DCHS2: variants seen among roughly 807,000 people sequenced by gnomAD.
DCHS2 encodes the protein protocadherin-23.
DCHS2 carries 142 observed loss-of-function variants against 182.4 expected under a neutral mutation model. That is an observed-to-expected ratio of 0.78 (90% CI 0.68 to 0.89). The LOEUF (loss-of-function observed/expected upper bound fraction) is 0.89. Among genes scored for constraint, DCHS2 ranks in the 40% least tolerant of loss-of-function variants. The pLI is 0.00. For missense variants in DCHS2, 4,319 were observed against 4,198.6 expected (o/e 1.03, Z -0.79); for synonymous variants, 1,740 against 1,663.3 (o/e 1.05, Z -1.12).
intron 16 of DCHS2, among the ~76,000 whole-genome samples, chr4:154,247,422 A>G (rs1732125592): frequency 6.8e-6 from 1 of 147,244 alleles, no homozygotes; most frequent in Non-Finnish European, 1.5e-5. Flanking sequence ...GGTTGCACTG[A>G]GCTAAGGTCA....
intron 2 of DCHS2, 69 bp from the exon 3 acceptor site, chr4:154,366,510 A>G (rs1730369952): frequency 3.0e-6 from 3 of 1,013,468 alleles, no homozygotes; most frequent in South Asian, 2.8e-5. Flanking sequence ...ATAATTGACA[A>G]TGGCCCTACA....
chr4:154,407,747 G>C (rs1732460864), intron 1 of DCHS2, among the ~76,000 whole-genome samples: 1 of 152,164 alleles, frequency 6.6e-6, no homozygotes, highest in African/African-American at 2.4e-5. Flanking sequence ...GTCTGGGAGG[G>C]TGCAGTTGCA....
In DCHS2 at chr4:154,233,884, A is replaced by G. The variant is rs559164312; in HGVS notation, c.*652T>C. Reference sequence around the variant, plus strand: ...TATATTACCTATCATTATAAATCCTATTTGTTTCTCCCTATTGTCACAGAG... The same window carrying G: ...TATATTACCTATCATTATAAATCCTGTTTGTTTCTCCCTATTGTCACAGAG... On this transcript the variant is annotated 3_prime_UTR_variant, in exon 20 of 20. Coordinates refer to ENST00000357232, the MANE Select transcript of DCHS2 (RefSeq NM_001358235.2). 2.0e-5 allele frequency: 3 copies of G among 152,258 alleles called. No individual in the cohort carries two copies. Among genetic ancestry groups the G allele is most frequent in the Admixed American group, 1.3e-4 (2 of 15,278 alleles). The allele number at this position is 152,258 out of a possible 1,614,324, so 9.4% of individuals were successfully genotyped here.
chr4:154,329,549 G>GTT lies in DCHS2; in HGVS notation c.3891_3892insAA (p.Leu1298AsnfsTer9), dbSNP rs1561046034. 6.2e-7 allele frequency: 1 copy of GTT among 1,613,508 alleles called. No homozygotes were observed. Among genetic ancestry groups the GTT allele is most frequent in the Non-Finnish European group, 8.5e-7 (1 of 1,179,864 alleles). ...TTCACGTGTAACTCCTTTCCAGGGA[G>GTT]ACACTGGGGGAAGAAGGGCCTGTTA... On this transcript the variant is annotated frameshift_variant, in exon 6 of 20. Transcript: ENST00000357232. LOFTEE classifies it high-confidence loss of function.
In DCHS2 at chr4:154,320,479, G is replaced by A; in HGVS notation, c.4920C>T (p.His1640=). 1 of 1,614,110 alleles carries A rather than the reference G, an allele frequency of 6.2e-7. No individual in the cohort carries two copies. The highest frequency in any genetic ancestry group is 8.5e-7 in the Non-Finnish European group (1 of 1,180,014). The change falls in exon 9 of 20, where the codon CAC becomes CAT. Residue 1640 remains histidine, a synonymous_variant. Transcript: ENST00000357232. ...CTTCGTCTGGATCGTGAGCAGTTAT[G>A]TGGTGGACCAAGGAGCCCACTGTGA... The part of the protein sequence containing the change: ...EDVTVGSLVH[H]ITAHDPDEGR...
intron 13 of DCHS2, among the ~76,000 whole-genome samples, chr4:154,292,034 A>G (rs868733076): frequency 1.3e-5 from 2 of 152,206 alleles, no homozygotes; most frequent in South Asian, 4.1e-4. Context: ...TACACATTGC[A>G]TGCCTGTATC....
At chr4:154,417,810 A>T (rs1396889129) in intron 1 of DCHS2, among the ~76,000 whole-genome samples, 1 of 152,220 alleles carries the variant, frequency 6.6e-6, no homozygotes, top group Admixed American at 6.5e-5. Flanking sequence ...AAAATCAACT[A>T]GGCTTTCAAT....
At chr4:154,381,917 A>G (rs1731186455) in intron 1 of DCHS2, among the ~76,000 whole-genome samples, 2 of 152,200 alleles carry the variant, frequency 1.3e-5, no homozygotes, top group South Asian at 4.1e-4. Context: ...AATTTTACAC[A>G]GAATTATAAA....
intron 17 of DCHS2, among the ~76,000 whole-genome samples, chr4:154,241,564 T>A (rs901550763): frequency 6.6e-6 from 1 of 152,178 alleles, no homozygotes; most frequent in Non-Finnish European, 1.5e-5. Flanking sequence ...AGAAAGAATA[T>A]GCCAAGATGC....
chr4:154,430,217 G>T, intron 1 of DCHS2, among the ~76,000 whole-genome samples: 1 of 152,168 alleles, frequency 6.6e-6, no homozygotes, highest in South Asian at 2.1e-4. Context: ...CTGTTGTCAT[G>T]TCAGTTCATA....
intron 1 of DCHS2, among the ~76,000 whole-genome samples, chr4:154,437,463 T>A (rs1733827042): frequency 6.6e-6 from 1 of 152,194 alleles, no homozygotes; most frequent in Non-Finnish European, 1.5e-5. Flanking sequence ...GAGAACTCCC[T>A]AGATTACTCC....
Position 154,490,152 on chromosome 4 carries a change from C to T in DCHS2, c.1204G>A (p.Ala402Thr). ...CGGTTGTCATTCACGTCCAGCACGG[C>T]GATGGACACGCGCACCGTGGCAACC... is the stretch of plus-strand genomic sequence containing the variant. ...PEVATVRVSI[A>T]VLDVNDNRPA... Residue 402 changes from alanine to threonine, a missense_variant, in exon 1 of 20, where the codon GCC becomes ACC. Ala to Thr is a moderately conservative substitution (Grantham distance 58). Coordinates refer to ENST00000357232, the MANE Select transcript of DCHS2 (RefSeq NM_001358235.2). 3 of 1,548,802 alleles carry T rather than the reference C, an allele frequency of 1.9e-6. No individual in the cohort carries two copies. The highest frequency in any genetic ancestry group is 2.6e-6 in the Non-Finnish European group (3 of 1,146,058).
intron 1 of DCHS2, among the ~76,000 whole-genome samples, chr4:154,443,846 T>A (rs1734138335): frequency 6.6e-6 from 1 of 152,208 alleles, no homozygotes; most frequent in Non-Finnish European, 1.5e-5. Flanking sequence ...CTTCTTCTCT[T>A]TATATTCCAC....
chr4:154,328,282 T>C (rs1433618892), intron 6 of DCHS2, 90 bp from the exon 7 acceptor site: 7 of 795,810 alleles, frequency 8.8e-6, no homozygotes, highest in African/African-American at 3.5e-5. Flanking sequence ...TACATTATAC[T>C]AAACATTTTA....
At chr4:154,358,964 TAATA>T (rs1729995062) in intron 3 of DCHS2, among the ~76,000 whole-genome samples, 1 of 151,616 alleles carries the variant, frequency 6.6e-6, no homozygotes. Context: ...TAATAATAAA[TAATA>T]AAATCATAAA....
chr4:154,460,479 C>T (rs1047438731), intron 1 of DCHS2, among the ~76,000 whole-genome samples: 3 of 152,278 alleles, frequency 2.0e-5, no homozygotes, highest in Admixed American at 6.5e-5. Context: ...GCTTCAGTTT[C>T]CACATCTATA....
chr4:154,296,549 T>C (rs1305479798), intron 13 of DCHS2, among the ~76,000 whole-genome samples: 1 of 152,168 alleles, frequency 6.6e-6, no homozygotes, highest in Admixed American at 6.5e-5. Flanking sequence ...TTTTAAACAA[T>C]TGAGATGTTA....
chr4:154,490,119 T>A lies in DCHS2; in HGVS notation c.1237A>T (p.Ile413Phe). ...CCCTCTGTGAGAAAGAGCACGTGAA[T>A]TGCTGGCCGGTTGTCATTCACGTCC... is the stretch of plus-strand genomic sequence containing the variant. ...VLDVNDNRPA[I>F]HVLFLTEGGV... Residue 413 changes from isoleucine to phenylalanine, a missense_variant, in exon 1 of 20, where the codon ATT (isoleucine) becomes TTT (phenylalanine). Ile to Phe is a conservative substitution (Grantham distance 21). Transcript: ENST00000357232. 6.5e-7 allele frequency: 1 copy of A among 1,548,206 alleles called. No homozygotes were observed. Among genetic ancestry groups the A allele is most frequent in the South Asian group, 1.2e-5 (1 of 83,926 alleles).
rs1056855366 is a variant in DCHS2, at chr4:154,233,765, A to G, written c.*771T>C. On this transcript the variant is annotated 3_prime_UTR_variant, in exon 20 of 20. Coordinates refer to ENST00000357232, the MANE Select transcript of DCHS2 (RefSeq NM_001358235.2). ...AAAGAAGGCCAAGATAATATGTTTCAGGTGGTAGCAAACCACATAAATATT... is the reference window on the plus strand; with the variant it reads ...AAAGAAGGCCAAGATAATATGTTTCGGGTGGTAGCAAACCACATAAATATT... 2 of 152,200 alleles carry G rather than the reference A, an allele frequency of 1.3e-5. No individual in the cohort carries two copies. The highest frequency in any genetic ancestry group is 4.8e-5 in the African/African-American group (2 of 41,468). The allele number at this position is 152,200 out of a possible 1,614,324, so 9.4% of individuals were successfully genotyped here. A position where few individuals can be genotyped will look rare whatever the true frequency, so the allele number is the denominator to read the frequency against.
Sources: allele counts gnomAD v4.1 joint callset (sites outside exome capture counted in the v4.1 genomes callset), GRCh38; gene constraint gnomAD v4.1.1; transcripts MANE v1.5; gene names NCBI Gene and HGNC (gene_info 2026-07-23, HGNC 2026-07-21).